Variants in KHDC1L observed in about 807,000 individuals in gnomAD.
KHDC1L encodes the protein KHDC1-like protein.
A neutral mutation model predicts 11.2 loss-of-function variants in KHDC1L; 5 were observed. The ratio of observed to expected loss-of-function variants is 0.45; its 90% CI spans 0.23 to 0.94. The LOEUF (loss-of-function observed/expected upper bound fraction) is 0.94. KHDC1L is among the 40% of genes least tolerant of loss of function. The probability of loss-of-function intolerance (pLI) is 0.22; values close to 1 mark genes in which losing one functional copy is unlikely to be tolerated. For missense variants in KHDC1L, 168 were observed against 165.8 expected, an observed-to-expected ratio of 1.01 and a Z score of -0.07; for synonymous variants, 66 against 62.7, an observed-to-expected ratio of 1.05 and a Z score of -0.25.
At chr6:73,225,089 C>CAAA (rs774109371) in intron 1 of KHDC1L, among the ~76,000 whole-genome samples, 2 of 95,864 alleles carry the variant, frequency 2.1e-5, no homozygotes, top group African/African-American at 3.8e-5. Flanking sequence ...TCTCGAGTCT[C>CAAA]AAAAAAAAAA....
At position 73,224,730 on chromosome 6, in the gene KHDC1L, C is replaced by T. The variant is rs1208057353; in HGVS notation, c.113-382G>A. ...GGCGGAGCTTGCAGTGAGCCGAGATCGCGCCACTGCACTCCAGCCTGGGCG... is the reference window on the plus strand; with the variant it reads ...GGCGGAGCTTGCAGTGAGCCGAGATTGCGCCACTGCACTCCAGCCTGGGCG... On this transcript the variant is annotated intron_variant, in intron 1 of 2. Coordinates refer to ENST00000370388, the MANE Select transcript of KHDC1L (RefSeq NM_001126063.3). Among the ~76,000 whole-genome samples the T allele has an allele frequency of 1.0e-4, 13 of 128,200 alleles. No individual in the cohort carries two copies. The South Asian group carries it at 2.9e-3, about 29-fold the overall frequency. The allele number at this position is 128,200 out of a possible 152,430, so 84.1% of individuals were successfully genotyped here.
Position 73,223,809 on chromosome 6 carries a change from T to C in KHDC1L, c.326A>G (p.Gln109Arg). The C allele has an allele frequency of 6.2e-7, 1 of 1,606,246 alleles. No individual in the cohort carries two copies. Among genetic ancestry groups the C allele is most frequent in the Non-Finnish European group, 8.5e-7 (1 of 1,176,502 alleles). ...GLKMLERVRS[Q>R]PLTNDDLVTS... ...GACCAGGTCATCATTGGTCAGGGGC[T>C]GGCTTCGGACACGCTCTAGCATCTT... is the stretch of plus-strand genomic sequence containing the variant. The change falls in exon 3 of 3, where the codon CAG becomes CGG. Residue 109 changes from glutamine (Q) to arginine (R), a missense_variant. By Grantham distance (43) the Gln-to-Arg change is conservative. Coordinates refer to ENST00000370388, the MANE Select transcript of KHDC1L (RefSeq NM_001126063.3).
Position 73,224,357 on chromosome 6 carries a change from AC to A in KHDC1L, c.113-10del. The stretch of plus-strand genomic sequence containing the variant: ...GTACGTGTCATCAAGTCCTGTAAGC[AC>A]AAGAAGTGAGAAGAGAAACTGTCAG... On this transcript the variant is annotated splice_polypyrimidine_tract_variant and intron_variant, in intron 1 of 2. Transcript: ENST00000370388. 1.3e-6 allele frequency: 2 copies of A among 1,548,076 alleles called. No individual in the cohort carries two copies. Among genetic ancestry groups the A allele is most frequent in the Non-Finnish European group, 1.7e-6 (2 of 1,143,624 alleles).
At chr6:73,224,957 C>A (rs1177848779) in intron 1 of KHDC1L, among the ~76,000 whole-genome samples, 1 of 150,806 alleles carries the variant, frequency 6.6e-6, no homozygotes, top group African/African-American at 2.4e-5. Context: ...ATGGCGGGCG[C>A]CTGTAGTCCC....
intron 1 of KHDC1L, among the ~76,000 whole-genome samples, chr6:73,225,022 G>T (rs1214868703): frequency 6.7e-6 from 1 of 150,002 alleles, no homozygotes; most frequent in African/African-American, 2.5e-5. Flanking sequence ...GGCAGAGCTT[G>T]CAGTGAGCCG....
chr6:73,224,631 C>G (rs779900859), intron 1 of KHDC1L, among the ~76,000 whole-genome samples: 2 of 151,682 alleles, frequency 1.3e-5, no homozygotes. Context: ...AAAAAATTAG[C>G]CGGGCGTGGT....
Position 73,223,789 on chromosome 6 carries a change from G to T in KHDC1L, c.346C>A (p.Leu116Met). 1 of 1,607,592 alleles carries T rather than the reference G, an allele frequency of 6.2e-7. No homozygotes were observed. Among genetic ancestry groups the T allele is most frequent in the Non-Finnish European group, 8.5e-7 (1 of 1,177,170 alleles). The stretch of plus-strand genomic sequence containing the variant: ...GGTGGCAGGCTAACGGAGGTGACCA[G>T]GTCATCATTGGTCAGGGGCTGGCTT... Reference protein sequence around the residue: ...VRSQPLTNDDLVTSVSLPPYT... With the variant: ...VRSQPLTNDDMVTSVSLPPYT... Residue 116 changes from leucine (L) to methionine (M), a missense_variant, in exon 3 of 3, where the codon CTG (leucine) becomes ATG (methionine). Physicochemically the swap from Leu to Met is conservative, Grantham distance 15 (BLOSUM62 2). Transcript: ENST00000370388.
Position 73,224,227 on chromosome 6 carries a change from C to A in KHDC1L, c.234G>T (p.Lys78Asn). Residue 78 changes from lysine (K) to asparagine (N), a missense_variant, in exon 2 of 3, where the codon AAG becomes AAT. By Grantham distance (94) the Lys-to-Asn change is moderately conservative. Coordinates refer to ENST00000370388, the MANE Select transcript of KHDC1L (RefSeq NM_001126063.3). Reference protein sequence around the residue: ...RVTVVGPPMAKQWLLLMFHCV... With the variant: ...RVTVVGPPMANQWLLLMFHCV... ...AATGGAACATGAGCAGCAGCCACTG[C>A]TTTGCCATTGGTGGTCCGACTACAG... 1 of 1,578,044 alleles carries A rather than the reference C, an allele frequency of 6.3e-7. No homozygotes were observed. The highest frequency in any genetic ancestry group is 8.6e-7 in the Non-Finnish European group (1 of 1,161,042).
intron 1 of KHDC1L, among the ~76,000 whole-genome samples, chr6:73,225,089 CAAAAAAA>C (rs774109371): frequency 3.1e-5 from 3 of 95,872 alleles, no homozygotes; most frequent in Non-Finnish European, 6.4e-5. Flanking sequence ...TCTCGAGTCT[CAAAAAAA>C]AAAAAAAAAA....
chr6:73,224,593 G>A (rs959773705), intron 1 of KHDC1L, among the ~76,000 whole-genome samples: 31 of 151,950 alleles, frequency 2.0e-4, no homozygotes, highest in Non-Finnish European at 4.0e-4. Flanking sequence ...TGGCTAACAT[G>A]GTGAAACCCC....
rs770447860 is a variant in KHDC1L, at chr6:73,223,796, AT to A, written c.338del (p.Asn113MetfsTer38). 16 of 1,607,696 alleles carry A rather than the reference AT, an allele frequency of 1.0e-5. No individual in the cohort carries two copies. ...GGCTAACGGAGGTGACCAGGTCATC[AT>A]TGGTCAGGGGCTGGCTTCGGACACG... ...LERVRSQPLT[N>X]DDLVTSVSLP... On this transcript the variant is annotated frameshift_variant, in exon 3 of 3. Transcript: ENST00000370388. LOFTEE classifies it low-confidence loss of function (END_TRUNC).
chr6:73,224,853 C>G (rs1379381449), intron 1 of KHDC1L, among the ~76,000 whole-genome samples: 3 of 147,898 alleles, frequency 2.0e-5, no homozygotes, highest in Non-Finnish European at 4.5e-5. Flanking sequence ...AGGCCGAGGC[C>G]GGCAGATCAG....
intron 2 of KHDC1L, 87 bp from the exon 3 acceptor site, chr6:73,223,926 A>G (rs1766309430): frequency 8.4e-7 from 1 of 1,184,678 alleles, no homozygotes; most frequent in African/African-American, 1.5e-5. Flanking sequence ...AAGGTTCCAG[A>G]GAGGATGTCA....
Position 73,223,644 on chromosome 6 carries a change from G to T in KHDC1L, c.*104C>A. The T allele has an allele frequency of 1.1e-6, 1 of 882,544 alleles. No homozygotes were observed. The highest frequency in any genetic ancestry group is 1.8e-6 in the Non-Finnish European group (1 of 556,990). 54.7% of individuals were successfully genotyped at this position (882,544 alleles called of 1,614,324 possible). On this transcript the variant is annotated 3_prime_UTR_variant, in exon 3 of 3. Coordinates refer to ENST00000370388, the MANE Select transcript of KHDC1L (RefSeq NM_001126063.3). ...ACACATGCCTAGAAGGCCTGAGAGGGGCAGGTCTGGCCACAAATTCAAACT... is the reference window on the plus strand; with the variant it reads ...ACACATGCCTAGAAGGCCTGAGAGGTGCAGGTCTGGCCACAAATTCAAACT...
Position 73,225,238 on chromosome 6 carries a change from C to A in KHDC1L, c.112+59G>T. On this transcript the variant is annotated intron_variant, in intron 1 of 2. Transcript: ENST00000370388. ...GCCAAGATCACGAGCGAGAATCTGT[C>A]TCAAAAAAATAAAAATAAAAAACAG... is the stretch of plus-strand genomic sequence containing the variant. The A allele has an allele frequency of 3.4e-6, 5 of 1,485,518 alleles. No individual in the cohort carries two copies. The Admixed American group carries it at 8.0e-5, about 24-fold the overall frequency. The allele number at this position is 1,485,518 out of a possible 1,614,324, so 92.0% of individuals were successfully genotyped here. A position where few individuals can be genotyped will look rare whatever the true frequency, so the allele number is the denominator to read the frequency against.
chr6:73,225,211 G>T, intron 1 of KHDC1L, 86 bp downstream of exon 1: 2 of 1,259,130 alleles, frequency 1.6e-6, no homozygotes, highest in Non-Finnish European at 2.2e-6. Flanking sequence ...ACGTTGCAGT[G>T]AGCCAAGATC....
Position 73,224,188 on chromosome 6 carries a change from C to G in KHDC1L, c.273G>C (p.Gln91His), listed in dbSNP as rs1057490844. The change falls in exon 2 of 3, where the codon CAG becomes CAC. Residue 91 changes from glutamine (Q) to histidine (H), a missense_variant. Physicochemically the swap from Gln to His is conservative, Grantham distance 24 (BLOSUM62 0). Coordinates refer to ENST00000370388, the MANE Select transcript of KHDC1L (RefSeq NM_001126063.3). ...TACCTCGAGCGTGACACTTGGAGTC[C>G]TGGCTCCCCACGCAATGGAACATGA... ...LLLMFHCVGS[Q>H]DSKCHARGLK... The G allele has an allele frequency of 1.3e-6, 2 of 1,569,332 alleles. No individual in the cohort carries two copies. Among genetic ancestry groups the G allele is most frequent in the Non-Finnish European group, 8.6e-7 (1 of 1,156,936 alleles).
chr6:73,224,469 A>T, intron 1 of KHDC1L, 121 bp from the exon 2 acceptor site: 2 of 850,474 alleles, frequency 2.4e-6, no homozygotes, highest in Non-Finnish European at 3.5e-6. Context: ...AAGATTGAAA[A>T]TCGAGAAGGG....
At chr6:73,224,038 G>A in intron 2 of KHDC1L, 128 bp downstream of exon 2, 1 of 1,194,444 alleles carries the variant, frequency 8.4e-7, no homozygotes, top group Non-Finnish European at 1.2e-6. Flanking sequence ...CCTTCCCAAT[G>A]GACTCTGGGA....
Sources: allele counts gnomAD v4.1 joint callset (sites outside exome capture counted in the v4.1 genomes callset), GRCh38; gene constraint gnomAD v4.1.1; transcripts MANE v1.5; gene names NCBI Gene and HGNC (gene_info 2026-07-23, HGNC 2026-07-21).